The following CELF2 variants were observed in gnomAD, a reference collection of about 807,000 sequenced individuals.
CELF2 encodes the protein CUGBP Elav-like family member 2.
CELF2 carries 8 observed loss-of-function variants against 62.6 expected under a neutral mutation model. That is an observed-to-expected ratio of 0.13 (90% CI 0.07 to 0.23). The LOEUF (loss-of-function observed/expected upper bound fraction) is 0.23. Ranked by LOEUF, CELF2 falls within the 10% of genes least tolerant of loss-of-function variation. The pLI, the probability that CELF2 is intolerant of heterozygous loss-of-function variation, is 1.00. For missense variants in CELF2, 333 were observed against 671.0 expected (o/e 0.50, Z 5.56); for synonymous variants, 258 against 250.0 (o/e 1.03, Z -0.30).
the CELF2 span, among the ~76,000 whole-genome samples, chr10:10,726,172 G>A: frequency 6.6e-6 from 1 of 152,090 alleles, no homozygotes; most frequent in African/African-American, 2.4e-5. Flanking sequence ...GGCTTCTTAG[G>A]GTTTTCCTCC....
chr10:11,085,956 C>G (rs563460597), intron 1 of CELF2, among the ~76,000 whole-genome samples: 10 of 152,148 alleles, frequency 6.6e-5, no homozygotes, highest in African/African-American at 2.2e-4. Context: ...CTGAGGAAAG[C>G]GACAGTACCA....
At chr10:10,969,556 T>C (rs931328087) in intron 2 of CELF2, among the ~76,000 whole-genome samples, 1 of 152,116 alleles carries the variant, frequency 6.6e-6, no homozygotes, top group Non-Finnish European at 1.5e-5. Context: ...CAATATTGCA[T>C]TCCTTCTCCC....
chr10:11,202,018 G>C lies in CELF2; in HGVS notation c.272-15407G>C, dbSNP rs185261564. Among the ~76,000 whole-genome samples, 5 of 152,158 alleles carry C rather than the reference G, an allele frequency of 3.3e-5. 1 individual carries two copies. The highest frequency in any genetic ancestry group is 6.8e-3 in the Middle Eastern group (2 of 294). On this transcript the variant is annotated intron_variant, in intron 2 of 12. Transcript: ENST00000633077. ...TTCAGTCTTAAAATTTGGCCTCACT[G>C]CATAGACAAGATCATGACTGTACCA...
At chr10:10,662,238 A>G in the CELF2 span, among the ~76,000 whole-genome samples, 1 of 152,256 alleles carries the variant, frequency 6.6e-6, no homozygotes, top group Non-Finnish European at 1.5e-5. Context: ...TGTCCAAGGT[A>G]GAACAATCCA....
intron 5 of CELF2, among the ~76,000 whole-genome samples, chr10:11,262,706 G>A (rs2081028173): frequency 6.6e-6 from 1 of 152,110 alleles, no homozygotes; most frequent in African/African-American, 2.4e-5. Context: ...TATTGATAGC[G>A]TATGTTTAAC....
chr10:11,000,092 G>A (rs1414268047), intron 2 of CELF2, among the ~76,000 whole-genome samples: 1 of 152,188 alleles, frequency 6.6e-6, no homozygotes, highest in Non-Finnish European at 1.5e-5. Flanking sequence ...GGCCAAAACT[G>A]ATCTCTCCAT....
At chr10:10,860,847 G>A (rs2060008990) in intron 1 of CELF2, among the ~76,000 whole-genome samples, 1 of 152,214 alleles carries the variant, frequency 6.6e-6, no homozygotes, top group Non-Finnish European at 1.5e-5. Flanking sequence ...CTGATTAGTT[G>A]ACAGCCTGTG....
At chr10:10,810,637 G>C (rs974089083) in intron 1 of CELF2, among the ~76,000 whole-genome samples, 1 of 152,162 alleles carries the variant, frequency 6.6e-6, no homozygotes, top group Non-Finnish European at 1.5e-5. Context: ...ATGCAGGGGA[G>C]TGGAAGGGAA....
chr10:10,946,387 C>T (rs1328167038), intron 2 of CELF2: 1 of 152,572 alleles, frequency 6.6e-6, no homozygotes, highest in East Asian at 1.9e-4. Context: ...ACCTACAGAG[C>T]TTTCATTTAT....
the CELF2 span, among the ~76,000 whole-genome samples, chr10:10,523,706 C>A: frequency 6.6e-6 from 1 of 152,172 alleles, no homozygotes; most frequent in Non-Finnish European, 1.5e-5. Flanking sequence ...TTTTCCATTA[C>A]AACTAGGGAT....
At chr10:10,907,909 A>T (rs2063474717) in intron 1 of CELF2, among the ~76,000 whole-genome samples, 1 of 152,168 alleles carries the variant, frequency 6.6e-6, no homozygotes, top group Non-Finnish European at 1.5e-5. Context: ...AACCTGGAAA[A>T]TTTGAAGGAT....
intron 1 of CELF2, among the ~76,000 whole-genome samples, chr10:10,826,584 A>G (rs760271252): frequency 2.6e-5 from 4 of 152,218 alleles, no homozygotes; most frequent in Non-Finnish European, 4.4e-5. Context: ...AATCCTGTCT[A>G]TGACAGAACC....
intron 1 of CELF2, among the ~76,000 whole-genome samples, chr10:11,071,979 A>G (rs1211228168): frequency 1.3e-5 from 2 of 152,226 alleles, no homozygotes; most frequent in Non-Finnish European, 2.9e-5. Context: ...CCCACATTAA[A>G]ATAGAAATGT....
At chr10:10,984,302 T>C (rs1205609716) in intron 2 of CELF2, among the ~76,000 whole-genome samples, 1 of 152,156 alleles carries the variant, frequency 6.6e-6, no homozygotes, top group Non-Finnish European at 1.5e-5. Flanking sequence ...CTAAACGAAG[T>C]GTTGATGGTT....
chr10:10,620,785 AGGTAGTCCCAGC>A, the CELF2 span, among the ~76,000 whole-genome samples: 4 of 147,312 alleles, frequency 2.7e-5, no homozygotes, highest in East Asian at 2.0e-4. Flanking sequence ...AGGCGCCTGT[AGGTAGTCCCAGC>A]GTCCCAGCTA....
At chr10:10,551,909 C>T in the CELF2 span, among the ~76,000 whole-genome samples, 18 of 152,036 alleles carry the variant, frequency 1.2e-4, no homozygotes, top group Admixed American at 1.2e-3. Context: ...TTTAGAGGGC[C>T]GCATGCTGCT....
intron 1 of CELF2, among the ~76,000 whole-genome samples, chr10:11,120,596 G>A (rs1046959811): frequency 6.6e-6 from 1 of 151,774 alleles, no homozygotes; most frequent in Non-Finnish European, 1.5e-5. Flanking sequence ...CTCAGGGAGA[G>A]CACTCTTGCC....
intron 2 of CELF2, among the ~76,000 whole-genome samples, chr10:10,937,158 G>A (rs553410590): frequency 1.7e-4 from 21 of 123,598 alleles, no homozygotes; most frequent in Non-Finnish European, 2.9e-4. Context: ...ACAGAGCCTC[G>A]GTCTGTTGCC....
intron 2 of CELF2, among the ~76,000 whole-genome samples, chr10:10,998,784 T>A (rs2054228277): frequency 1.3e-5 from 2 of 152,138 alleles, no homozygotes; most frequent in African/African-American, 4.8e-5. Context: ...TGGCTTCTGA[T>A]TCTTGTTCCT....
Sources: allele counts gnomAD v4.1 joint callset (sites outside exome capture counted in the v4.1 genomes callset), GRCh38; gene constraint gnomAD v4.1.1; transcripts MANE v1.5; gene names NCBI Gene and HGNC (gene_info 2026-07-23, HGNC 2026-07-21).